The following TRDN variants were observed in gnomAD, a reference collection of about 807,000 sequenced individuals.
The protein encoded by TRDN is triadin in skeletal muscle.
In TRDN, 161 loss-of-function variants were observed where a neutral mutation model predicts 149.7. That is an observed-to-expected ratio of 1.08 (90% CI 0.95 to 1.23). The LOEUF is 1.23. Among genes scored for constraint, TRDN ranks in the 50% most tolerant of loss-of-function variants. TRDN has a pLI of 0.00. For synonymous variants in TRDN, 294 were observed against 250.5 expected (o/e 1.17, Z -1.64); for missense variants, 896 against 823.5 (o/e 1.09, Z -1.08).
intron 38 of TRDN, among the ~76,000 whole-genome samples, chr6:123,230,324 G>A (rs1422183804): frequency 6.6e-6 from 1 of 151,836 alleles, no homozygotes; most frequent in Admixed American, 6.6e-5. Flanking sequence ...ACTCATAGGT[G>A]GGAATTGAAC....
At chr6:123,370,521 T>TTGTGAAAATTATTTAGAAAATTATTA (rs1197857596) in intron 19 of TRDN, among the ~76,000 whole-genome samples, 3 of 152,156 alleles carry the variant, frequency 2.0e-5, no homozygotes, top group Non-Finnish European at 4.4e-5. Context: ...ACCAGTTTTG[T>TTGTGAAAATTATTTAGAAAATTATTA]GTTTTCTAAA....
At chr6:123,554,539 A>C (rs1477925119) in intron 2 of TRDN, among the ~76,000 whole-genome samples, 1 of 152,150 alleles carries the variant, frequency 6.6e-6, no homozygotes, top group African/African-American at 2.4e-5. Context: ...AAGTTAAGAA[A>C]AATTTTAGCA....
intron 9 of TRDN, among the ~76,000 whole-genome samples, chr6:123,477,604 T>C (rs1470961031): frequency 1.3e-5 from 2 of 151,608 alleles, no homozygotes; most frequent in African/African-American, 2.4e-5. Flanking sequence ...TAAAGACACA[T>C]GCACACGTAT....
chr6:123,239,188 T>G (rs1002401821), intron 38 of TRDN, among the ~76,000 whole-genome samples: 3 of 152,158 alleles, frequency 2.0e-5, no homozygotes, highest in Admixed American at 1.3e-4. Flanking sequence ...AGTCATCATA[T>G]AAAGATAAAT....
chr6:123,280,652 CTTT>C (rs34195939), intron 24 of TRDN, among the ~76,000 whole-genome samples: 4 of 135,524 alleles, frequency 3.0e-5, no homozygotes, highest in Non-Finnish European at 3.1e-5. Flanking sequence ...TCTTTTCTTT[CTTT>C]TTTTTTTTTT....
chr6:123,242,308 G>A (rs1391571740), intron 38 of TRDN, among the ~76,000 whole-genome samples: 4 of 152,096 alleles, frequency 2.6e-5, no homozygotes, highest in African/African-American at 9.7e-5. Context: ...GGAATAGATT[G>A]TGGTGTTATT....
intron 1 of TRDN, among the ~76,000 whole-genome samples, chr6:123,623,313 G>A (rs781127279): frequency 2.6e-5 from 4 of 151,952 alleles, no homozygotes; most frequent in Non-Finnish European, 5.9e-5. Flanking sequence ...AAAATTGAAA[G>A]ATAACTAAGC....
chr6:123,566,375 C>G (rs940306772), intron 2 of TRDN, among the ~76,000 whole-genome samples: 6 of 152,140 alleles, frequency 3.9e-5, no homozygotes, highest in Non-Finnish European at 8.8e-5. Flanking sequence ...CAAATAAAAG[C>G]CAATTCTGCA....
At chr6:123,381,051 C>G (rs1447754941) in intron 16 of TRDN, among the ~76,000 whole-genome samples, 1 of 152,006 alleles carries the variant, frequency 6.6e-6, no homozygotes, top group African/African-American at 2.4e-5. Flanking sequence ...TGACAACTAA[C>G]CAGATTAGGA....
At chr6:123,424,302 T>C (rs186283261) in intron 12 of TRDN, among the ~76,000 whole-genome samples, 183 of 152,284 alleles carry the variant, frequency 1.2e-3, no homozygotes, top group Middle Eastern at 6.8e-3. Context: ...TTGGTTATTC[T>C]GGCCTACTTC....
chr6:123,319,874 A>G (rs572493629), intron 23 of TRDN, among the ~76,000 whole-genome samples: 10 of 152,178 alleles, frequency 6.6e-5, no homozygotes, highest in African/African-American at 2.4e-4. Context: ...GGCCTGGGGA[A>G]GGGAGCTTCA....
intron 32 of TRDN, 29 bp from the exon 33 acceptor site, chr6:123,265,367 A>T (rs1294243878): frequency 1.5e-6 from 2 of 1,372,852 alleles, no homozygotes; most frequent in East Asian, 5.4e-5. Context: ...AAAAAAAGAA[A>T]ATGAGTGATA....
At chr6:123,437,381 A>ATTTTTTTT (rs565538741) in intron 12 of TRDN, 7 of 186,488 alleles carry the variant, frequency 3.8e-5, no homozygotes, top group African/African-American at 1.5e-4. Flanking sequence ...TGAGATACAG[A>ATTTTTTTT]TTTTTTTTTT....
chr6:123,231,936 T>C (rs554464437), intron 38 of TRDN, among the ~76,000 whole-genome samples: 1 of 151,878 alleles, frequency 6.6e-6, no homozygotes, highest in Admixed American at 6.6e-5. Flanking sequence ...GGTAGAAGGA[T>C]AAGGGCAAGA....
intron 4 of TRDN, among the ~76,000 whole-genome samples, chr6:123,545,114 C>A (rs554598474): frequency 1.3e-5 from 2 of 151,536 alleles, no homozygotes; most frequent in Non-Finnish European, 3.0e-5. Context: ...ATAATTTAGG[C>A]AATAAAAAAT....
In TRDN at chr6:123,400,692, T is replaced by G. The variant is rs2114483387; in HGVS notation, c.1052-7015A>C. On this transcript the variant is annotated intron_variant, in intron 12 of 40. Coordinates refer to ENST00000334268, the MANE Select transcript of TRDN (RefSeq NM_006073.4). ...CACTTTACATATAAGGTAGAGAGAG[T>G]GCTTTCCTCATTAAAGGGTGTCATA... 2.0e-5 allele frequency among the ~76,000 whole-genome samples: 3 copies of G among 152,164 alleles called. No homozygotes were observed. In the South Asian group the frequency reaches 6.2e-4, roughly 32 times the overall value.
At chr6:123,563,512 T>A (rs1782110309) in intron 2 of TRDN, among the ~76,000 whole-genome samples, 1 of 150,756 alleles carries the variant, frequency 6.6e-6, no homozygotes, top group Non-Finnish European at 1.5e-5. Flanking sequence ...TAAACAAGAT[T>A]TGAATCTATG....
intron 2 of TRDN, among the ~76,000 whole-genome samples, chr6:123,566,953 G>T (rs2114521552): frequency 6.6e-6 from 1 of 152,252 alleles, no homozygotes; most frequent in Middle Eastern, 3.4e-3. Flanking sequence ...TTTATAAAAT[G>T]CACAGCTACC....
At chr6:123,262,922 T>C (rs1262397459) in intron 33 of TRDN, among the ~76,000 whole-genome samples, 1 of 150,270 alleles carries the variant, frequency 6.7e-6, no homozygotes, top group African/African-American at 2.5e-5. Flanking sequence ...TCCTATTTCC[T>C]GAGACTCGAT....
Sources: allele counts gnomAD v4.1 joint callset (sites outside exome capture counted in the v4.1 genomes callset), GRCh38; gene constraint gnomAD v4.1.1; transcripts MANE v1.5; gene names NCBI Gene and HGNC (gene_info 2026-07-23, HGNC 2026-07-21).